The following POLR2B variants were observed in gnomAD, a reference collection of about 807,000 sequenced individuals.
The protein encoded by POLR2B is RNA polymerase II subunit B.
In POLR2B, 57 loss-of-function variants were observed where a neutral mutation model predicts 144.6. The observed-to-expected ratio is 0.39, with a 90% confidence interval of 0.32 to 0.49. POLR2B has a LOEUF of 0.49. POLR2B is among the 20% of genes least tolerant of loss of function. The pLI is 0.83. For synonymous variants in POLR2B, 442 were observed against 469.8 expected (o/e 0.94, Z 0.77); for missense variants, 595 against 1,467.4 (o/e 0.41, Z 9.71).
In POLR2B at chr4:56,985,410, A is replaced by T. The variant is rs977466938; in HGVS notation, c.20-944A>T. ...GGCTCGGTGCTGTGGCGAGGCGGGGATGGCACTCCCCCCCGCCGCCCCGTG... is the reference window on the plus strand; with the variant it reads ...GGCTCGGTGCTGTGGCGAGGCGGGGTTGGCACTCCCCCCCGCCGCCCCGTG... On this transcript the variant is annotated intron_variant, in intron 1 of 24. Coordinates refer to ENST00000314595, the MANE Select transcript of POLR2B (RefSeq NM_000938.3). 3 of 984,404 alleles carry T rather than the reference A, an allele frequency of 3.0e-6. No individual in the cohort carries two copies. In the African/African-American group the frequency reaches 5.3e-5, roughly 17 times the overall value. The allele number at this position is 984,404 out of a possible 1,614,324, so 61.0% of individuals were successfully genotyped here.
intron 3 of POLR2B, among the ~76,000 whole-genome samples, chr4:56,992,011 A>G (rs1722521466): frequency 6.6e-6 from 1 of 152,182 alleles, no homozygotes; most frequent in Non-Finnish European, 1.5e-5. Flanking sequence ...ATAACAATAT[A>G]ACATAGCAAA....
Position 57,025,411 on chromosome 4 carries a change from C to T in POLR2B, c.3113C>T (p.Thr1038Ile). 2 of 1,613,334 alleles carry T rather than the reference C, an allele frequency of 1.2e-6. No individual in the cohort carries two copies. The highest frequency in any genetic ancestry group is 1.3e-5 in the African/African-American group (1 of 75,028). ...LYNGFTGRKI[T>I]SQIFIGPTYY... ...AATGGGTTCACTGGTCGAAAAATCA[C>T]ATCACAAATATTTATTGGCCCCACT... Residue 1038 changes from threonine to isoleucine, a missense_variant, in exon 23 of 25, where the codon ACA (threonine) becomes ATA (isoleucine). This residue lies in a region of POLR2B where 65 missense variants were observed against 282.8 expected (regional missense o/e 0.23). Transcript: ENST00000314595.
intron 2 of POLR2B, among the ~76,000 whole-genome samples, chr4:56,989,610 G>C (rs1384343692): frequency 6.6e-6 from 1 of 152,248 alleles, no homozygotes. Flanking sequence ...GAAAATTGAT[G>C]TGAAGATGGG....
At chr4:56,985,653 T>C (rs1722301746) in intron 1 of POLR2B, among the ~76,000 whole-genome samples, 1 of 152,162 alleles carries the variant, frequency 6.6e-6, no homozygotes. Flanking sequence ...CCACCGACCT[T>C]GGCCTCCCAA....
chr4:56,988,358 A>T (rs1308675041), intron 2 of POLR2B, among the ~76,000 whole-genome samples: 2 of 152,068 alleles, frequency 1.3e-5, no homozygotes, highest in Non-Finnish European at 2.9e-5. Flanking sequence ...CACAGGTAGA[A>T]TTAAGAAATT....
chr4:57,022,028 T>G (rs997530383), intron 17 of POLR2B, 124 bp from the exon 18 acceptor site: 24 of 621,764 alleles, frequency 3.9e-5, no homozygotes, highest in Non-Finnish European at 6.6e-5. Context: ...ATGCAGTTAC[T>G]CTTGTCCCAG....
rs150718733 is a variant in POLR2B, at chr4:57,030,714, A to G, written c.3436-185A>G. 215 of 570,520 alleles carry G rather than the reference A, an allele frequency of 3.8e-4. 1 individual carries two copies. Among genetic ancestry groups the G allele is most frequent in the African/African-American group, 3.3e-3 (176 of 53,664 alleles). 35.3% of individuals were successfully genotyped at this position (570,520 alleles called of 1,614,324 possible). A position where few individuals can be genotyped will look rare whatever the true frequency, so the allele number is the denominator to read the frequency against. The stretch of plus-strand genomic sequence containing the variant: ...GTGAATATAAATTATGTCTGGCAGA[A>G]TGGGTAAAATACCAAAGCCTACTAG... On this transcript the variant is annotated intron_variant, in intron 24 of 24. Coordinates refer to ENST00000314595, the MANE Select transcript of POLR2B (RefSeq NM_000938.3).
intron 7 of POLR2B, among the ~76,000 whole-genome samples, chr4:57,002,305 A>G (rs1214966933): frequency 6.6e-6 from 1 of 152,210 alleles, no homozygotes; most frequent in Non-Finnish European, 1.5e-5. Flanking sequence ...CTGGGATTAC[A>G]GGCGTGAACC....
In POLR2B at chr4:56,999,601, T is replaced by TA; in HGVS notation, c.736-15dup. On this transcript the variant is annotated splice_polypyrimidine_tract_variant and intron_variant, in intron 6 of 24. Coordinates refer to ENST00000314595, the MANE Select transcript of POLR2B (RefSeq NM_000938.3). The stretch of plus-strand genomic sequence containing the variant: ...CTTTTGTATATTCATGTTCTAATGA[T>TA]ACTTTATTTTTCTAGGGTGCCAAGA... The TA allele has an allele frequency of 6.4e-7, 1 of 1,568,708 alleles. No individual in the cohort carries two copies. The highest frequency in any genetic ancestry group is 1.2e-5 in the South Asian group (1 of 85,678).
intron 3 of POLR2B, among the ~76,000 whole-genome samples, chr4:56,991,485 G>C (rs1267193547): frequency 6.6e-6 from 1 of 152,204 alleles, no homozygotes; most frequent in Non-Finnish European, 1.5e-5. Context: ...TTTTAGAGAA[G>C]TTGAGAGGCA....
intron 7 of POLR2B, among the ~76,000 whole-genome samples, chr4:57,005,005 T>C (rs1722973155): frequency 1.3e-5 from 2 of 152,206 alleles, no homozygotes; most frequent in African/African-American, 4.8e-5. Context: ...CTTTTTATAA[T>C]GGAATTATTT....
Position 56,979,830 on chromosome 4 carries a change from C to T in POLR2B, c.19+826C>T, listed in dbSNP as rs183768593. 2.7e-5 allele frequency among the ~76,000 whole-genome samples: 4 copies of T among 148,366 alleles called. No individual in the cohort carries two copies. In the South Asian group the frequency reaches 6.4e-4, roughly 24 times the overall value. ...CGGACGATCGCTTGAGCCCAGGAGG[C>T]GGAGTTTGCAGTGAGCTGAGATCGC... On this transcript the variant is annotated intron_variant, in intron 1 of 24. Coordinates refer to ENST00000314595, the MANE Select transcript of POLR2B (RefSeq NM_000938.3).
chr4:56,988,776 A>G (rs1429656432), intron 2 of POLR2B, among the ~76,000 whole-genome samples: 2 of 152,234 alleles, frequency 1.3e-5, no homozygotes, highest in Non-Finnish European at 2.9e-5. Context: ...TTAAACACCA[A>G]GAGATATTTT....
At chr4:57,009,623 A>G (rs1373098988) in intron 10 of POLR2B, 1 of 152,188 alleles carries the variant, frequency 6.6e-6, no homozygotes, top group African/African-American at 2.4e-5. Flanking sequence ...AATATTTGAA[A>G]ATAGAATTGA....
chr4:57,014,937 A>G (rs192112016), intron 13 of POLR2B, among the ~76,000 whole-genome samples: 107 of 152,078 alleles, frequency 7.0e-4, no homozygotes, highest in Non-Finnish European at 1.2e-3. Flanking sequence ...TGCATTATGT[A>G]GTTTATACTT....
At chr4:57,007,157 C>T (rs185344976) in intron 10 of POLR2B, among the ~76,000 whole-genome samples, 155 bp downstream of exon 10, 82 of 152,224 alleles carry the variant, frequency 5.4e-4, no homozygotes, top group African/African-American at 2.0e-3. Flanking sequence ...ACCTGTAATC[C>T]CAGCACTTTG....
At chr4:57,002,253 T>G (rs992622625) in intron 7 of POLR2B, among the ~76,000 whole-genome samples, 3 of 152,166 alleles carry the variant, frequency 2.0e-5, no homozygotes, top group South Asian at 4.1e-4. Context: ...GATCTTAAAC[T>G]CCTGAGCTCA....
rs1428854832 is a variant in POLR2B at position 57,030,369 on chromosome 4, T to C, written c.3405T>C (p.Tyr1135=). 1.2e-6 allele frequency: 2 copies of C among 1,613,296 alleles called. No individual in the cohort carries two copies. Among genetic ancestry groups the C allele is most frequent in the Non-Finnish European group, 1.7e-6 (2 of 1,179,450 alleles). Residue 1135 remains tyrosine, a synonymous_variant, in exon 24 of 25, where the codon TAT becomes TAC. Transcript: ENST00000314595. ...TTGCCAACACCAGGACCCATACATA[T>C]GAATGCAGGGGCTGCCGCAATAAAA... ...MAIANTRTHT[Y]ECRGCRNKTQ... is the part of the protein sequence containing the mutation.
rs1467368601 is a variant in POLR2B at position 56,979,014 on chromosome 4, C to G, written c.19+10C>G. 1.2e-6 allele frequency: 2 copies of G among 1,612,780 alleles called. No homozygotes were observed. On this transcript the variant is annotated intron_variant, in intron 1 of 24. Transcript: ENST00000314595. The stretch of plus-strand genomic sequence containing the variant: ...TACGACGCGGATGAGGGTAGGTGAA[C>G]GCTCAAAACACACGCCGTGGCGGTC...
Sources: gnomAD v4.1 joint callset for allele counts (sites outside exome capture counted in the v4.1 genomes callset) on GRCh38, gnomAD v4.1.1 for gene constraint, gnomAD v4.1.1 regional missense constraint, MANE v1.5 for transcripts, NCBI Gene and HGNC (gene_info 2026-07-23, HGNC 2026-07-21) for gene names.